Variants in KATNAL2 observed in about 807,000 individuals in gnomAD.
KATNAL2 encodes the protein katanin catalytic subunit A1 like 2.
A neutral mutation model predicts 76.3 loss-of-function variants in KATNAL2; 52 were observed. The observed-to-expected ratio is 0.68, with a 90% confidence interval of 0.55 to 0.86. The LOEUF is 0.86. Among genes scored for constraint, KATNAL2 ranks in the 40% least tolerant of loss-of-function variants. KATNAL2 has a pLI of 0.00. For missense variants in KATNAL2, 660 were observed against 668.9 expected (o/e 0.99, Z 0.15); for synonymous variants, 243 against 244.2 (o/e 1.00, Z 0.05).
intron 3 of KATNAL2, among the ~76,000 whole-genome samples, chr18:46,950,096 G>A (rs1050472461): frequency 3.9e-5 from 6 of 152,038 alleles, no homozygotes; most frequent in Admixed American, 1.3e-4. Flanking sequence ...CTAATCTAAC[G>A]TCTGACAACT....
intron 3 of KATNAL2, among the ~76,000 whole-genome samples, chr18:47,041,116 A>G (rs576321115): frequency 6.6e-6 from 1 of 152,302 alleles, no homozygotes; most frequent in African/African-American, 2.4e-5. Context: ...GAGAATTCCC[A>G]CGTACCTCTC....
chr18:46,927,296 T>C lies in KATNAL2; in HGVS notation c.-510+9370T>C, dbSNP rs557071362. Among the ~76,000 whole-genome samples, 121 of 152,296 alleles carry C rather than the reference T, an allele frequency of 7.9e-4. 2 individuals are homozygous for C. Among genetic ancestry groups the C allele is most frequent in the Middle Eastern group, 6.8e-3 (2 of 294 alleles). On this transcript the variant is annotated intron_variant, in intron 1 of 17. Coordinates refer to ENST00000683218, the MANE Select transcript of KATNAL2 (RefSeq NM_001387690.1). ...GCAGGCCTCGTGGTGACAAAATCTC[T>C]CAGCATCTGCTTGTCTGTAAAGTAT... is the stretch of plus-strand genomic sequence containing the variant.
At chr18:47,069,105 C>T in intron 11 of KATNAL2, 115 bp from the exon 12 acceptor site, 2 of 691,058 alleles carry the variant, frequency 2.9e-6, no homozygotes, top group Non-Finnish European at 5.0e-6. Flanking sequence ...AAAAAGGGAG[C>T]CCTGAATCTT....
chr18:46,959,405 C>T (rs184783050), intron 3 of KATNAL2, among the ~76,000 whole-genome samples: 82 of 152,268 alleles, frequency 5.4e-4, no homozygotes, highest in Admixed American at 1.1e-3. Context: ...AAAGGAGAGA[C>T]TAATTAGACA....
intron 13 of KATNAL2, among the ~76,000 whole-genome samples, chr18:47,074,446 ATC>A (rs1225279092): frequency 2.0e-5 from 3 of 152,210 alleles, no homozygotes; most frequent in South Asian, 4.1e-4. Context: ...CTATTAAAGA[ATC>A]TCTGTTCTTT....
chr18:47,082,867 C>T (rs72903291), intron 15 of KATNAL2, among the ~76,000 whole-genome samples: 1,759 of 152,286 alleles, frequency 0.012, 20 homozygotes, highest in Non-Finnish European at 0.019. Context: ...CAAGTTTCCC[C>T]CCGCAGAGGT....
At position 46,946,933 on chromosome 18, in the gene KATNAL2, G is replaced by C; in HGVS notation, c.51+10G>C. 1.3e-6 allele frequency: 2 copies of C among 1,503,546 alleles called. No individual in the cohort carries two copies. Among genetic ancestry groups the C allele is most frequent in the Non-Finnish European group, 1.8e-6 (2 of 1,117,150 alleles). The allele number at this position is 1,503,546 out of a possible 1,614,324, so 93.1% of individuals were successfully genotyped here. A position where few individuals can be genotyped will look rare whatever the true frequency, so the allele number is the denominator to read the frequency against. On this transcript the variant is annotated intron_variant, in intron 3 of 17. Transcript: ENST00000683218. Reference sequence around the variant, plus strand: ...TCAGGCGCGGGAAGCGGTAAGGAACGCATATATAAAACATGATTATACCAA... The same window carrying C: ...TCAGGCGCGGGAAGCGGTAAGGAACCCATATATAAAACATGATTATACCAA...
intron 3 of KATNAL2, among the ~76,000 whole-genome samples, chr18:46,961,272 C>G (rs1462287595): frequency 8.8e-6 from 1 of 113,498 alleles, no homozygotes; most frequent in Non-Finnish European, 1.8e-5. Flanking sequence ...AAAAACTAGG[C>G]AAGGTGGCAG....
chr18:46,935,767 T>A (rs1220576358), intron 1 of KATNAL2, among the ~76,000 whole-genome samples: 2 of 151,898 alleles, frequency 1.3e-5, no homozygotes, highest in East Asian at 3.9e-4. Context: ...AATACAAAAA[T>A]TAGCCAGGCA....
intron 1 of KATNAL2, among the ~76,000 whole-genome samples, chr18:46,926,706 T>C: frequency 6.6e-6 from 1 of 152,082 alleles, no homozygotes. Flanking sequence ...CCCATTATTA[T>C]TGTGTGGGAG....
chr18:47,075,880 C>T (rs950010282), intron 14 of KATNAL2, among the ~76,000 whole-genome samples: 1 of 152,240 alleles, frequency 6.6e-6, no homozygotes, highest in Admixed American at 6.5e-5. Flanking sequence ...AAATATGTTA[C>T]ATATATTATC....
At chr18:47,035,929 G>A (rs2060755561) in intron 3 of KATNAL2, among the ~76,000 whole-genome samples, 1 of 152,146 alleles carries the variant, frequency 6.6e-6, no homozygotes, top group Non-Finnish European at 1.5e-5. Context: ...TGTGTGAGGG[G>A]ACTTCCCAAA....
chr18:46,949,277 G>A (rs2059478495), intron 3 of KATNAL2, among the ~76,000 whole-genome samples: 1 of 151,648 alleles, frequency 6.6e-6, no homozygotes. Context: ...TTCTTCAACA[G>A]GGTCTTATTC....
intron 1 of KATNAL2, among the ~76,000 whole-genome samples, chr18:46,939,261 A>T (rs945475696): frequency 2.0e-5 from 3 of 151,798 alleles, no homozygotes; most frequent in African/African-American, 7.2e-5. Flanking sequence ...TGAACCCGGG[A>T]GGCGGAGGTT....
chr18:47,073,716 C>T (rs1412237168), intron 13 of KATNAL2, among the ~76,000 whole-genome samples: 2 of 152,192 alleles, frequency 1.3e-5, no homozygotes, highest in Admixed American at 6.5e-5. Context: ...GTCTCTTTAG[C>T]AAATGCATAC....
intron 3 of KATNAL2, chr18:47,033,897 G>T (rs2146951987): frequency 6.2e-7 from 1 of 1,613,474 alleles, no homozygotes; most frequent in Non-Finnish European, 8.5e-7. Flanking sequence ...AGAAGACATG[G>T]CTGGGCACCG....
At chr18:47,079,638 C>A (rs2062413194) in intron 15 of KATNAL2, among the ~76,000 whole-genome samples, 1 of 151,932 alleles carries the variant, frequency 6.6e-6, no homozygotes, top group African/African-American at 2.4e-5. Flanking sequence ...CTCAAGTGAT[C>A]CGCCTGCCTC....
intron 1 of KATNAL2, among the ~76,000 whole-genome samples, chr18:46,925,409 G>T (rs1235646357): frequency 6.6e-6 from 1 of 152,148 alleles, no homozygotes; most frequent in African/African-American, 2.4e-5. Context: ...TGTTGAACCA[G>T]CCTTGCATCC....
chr18:47,033,029 A>C (rs1298838094), intron 3 of KATNAL2: 1 of 1,614,102 alleles, frequency 6.2e-7, no homozygotes, highest in East Asian at 2.2e-5. Context: ...CTTCTCTTGT[A>C]GTCTCGAATT....
Sources: gnomAD v4.1 joint callset for allele counts (sites outside exome capture counted in the v4.1 genomes callset) on GRCh38, gnomAD v4.1.1 for gene constraint, MANE v1.5 for transcripts, NCBI Gene and HGNC (gene_info 2026-07-23, HGNC 2026-07-21) for gene names.